Variants in FAM13A observed in about 807,000 individuals in gnomAD.
The protein encoded by FAM13A is family with sequence similarity 13 member A.
In FAM13A, 76 loss-of-function variants were observed where a neutral mutation model predicts 129.6. The ratio of observed to expected loss-of-function variants is 0.59; its 90% CI spans 0.49 to 0.71. The LOEUF (loss-of-function observed/expected upper bound fraction) is 0.71. Among genes scored for constraint, FAM13A ranks in the 30% least tolerant of loss-of-function variants. FAM13A has a pLI of 0.00. For missense variants in FAM13A, 1,108 were observed against 1,249.3 expected, an observed-to-expected ratio of 0.89 and a Z score of 1.70; for synonymous variants, 443 against 449.9, an observed-to-expected ratio of 0.98 and a Z score of 0.20.
chr4:88,731,568 G>A (rs565686724), intron 22 of FAM13A, 140 bp from the exon 23 acceptor site: 5 of 518,892 alleles, frequency 9.6e-6, no homozygotes, highest in Middle Eastern at 2.8e-4. Flanking sequence ...GAGGGGGCGC[G>A]GAAATGCATG....
intron 7 of FAM13A, among the ~76,000 whole-genome samples, chr4:88,849,579 A>G (rs929593416): frequency 1.3e-5 from 2 of 152,192 alleles, no homozygotes; most frequent in African/African-American, 2.4e-5. Flanking sequence ...GCATCAGTCT[A>G]TTAAACTGTT....
intron 5 of FAM13A, among the ~76,000 whole-genome samples, chr4:88,922,552 G>A (rs951690106): frequency 1.4e-4 from 22 of 151,944 alleles, no homozygotes; most frequent in Admixed American, 1.3e-4. Flanking sequence ...ATTCAAAGCA[G>A]TGTGTAGAGG....
At chr4:89,014,534 A>G (rs1766201868) in intron 3 of FAM13A, among the ~76,000 whole-genome samples, 1 of 152,226 alleles carries the variant, frequency 6.6e-6, no homozygotes. Context: ...TCCCGAATGG[A>G]GGGACCAGCT....
At chr4:88,976,023 A>G (rs970846140) in intron 4 of FAM13A, among the ~76,000 whole-genome samples, 3 of 152,224 alleles carry the variant, frequency 2.0e-5, no homozygotes, top group Admixed American at 6.5e-5. Flanking sequence ...GTTAAATAAA[A>G]TGTACTGCGC....
chr4:88,931,186 T>C (rs1752976699), intron 5 of FAM13A, among the ~76,000 whole-genome samples: 1 of 151,996 alleles, frequency 6.6e-6, no homozygotes, highest in South Asian at 2.1e-4. Flanking sequence ...CTCTCTCTCC[T>C]TGGAGCAATG....
chr4:88,785,912 G>A (rs1219497997), intron 10 of FAM13A, among the ~76,000 whole-genome samples: 4 of 152,144 alleles, frequency 2.6e-5, no homozygotes, highest in Admixed American at 6.5e-5. Context: ...ATTTGACCAG[G>A]AGGAGTGGTG....
chr4:88,953,490 A>C (rs1438020080), intron 4 of FAM13A, among the ~76,000 whole-genome samples: 2 of 152,110 alleles, frequency 1.3e-5, no homozygotes, highest in Non-Finnish European at 2.9e-5. Flanking sequence ...ACAACAACAA[A>C]AAACATAACA....
At chr4:88,983,036 C>T (rs1761831070) in intron 4 of FAM13A, among the ~76,000 whole-genome samples, 1 of 152,176 alleles carries the variant, frequency 6.6e-6, no homozygotes, top group African/African-American at 2.4e-5. Flanking sequence ...AAGGTCATCC[C>T]ATCTTCTCAG....
intron 4 of FAM13A, among the ~76,000 whole-genome samples, chr4:88,962,246 A>T (rs552030149): frequency 7.7e-4 from 118 of 152,346 alleles, no homozygotes; most frequent in African/African-American, 2.6e-3. Context: ...TTATCACATT[A>T]GTAGAGACAC....
chr4:89,055,324 ACAAT>A (rs1579956755), intron 1 of FAM13A, among the ~76,000 whole-genome samples: 1 of 152,198 alleles, frequency 6.6e-6, no homozygotes, highest in African/African-American at 2.4e-5. Flanking sequence ...CCAAGACAGC[ACAAT>A]CAAAGGCCAA....
intron 6 of FAM13A, among the ~76,000 whole-genome samples, chr4:88,853,249 T>G (rs991299097): frequency 3.3e-5 from 5 of 152,234 alleles, no homozygotes; most frequent in African/African-American, 4.8e-5. Flanking sequence ...ATATTCATCC[T>G]GTACAACATG....
chr4:88,986,115 T>C (rs577738723), intron 4 of FAM13A, among the ~76,000 whole-genome samples: 2 of 152,080 alleles, frequency 1.3e-5, no homozygotes, highest in Non-Finnish European at 2.9e-5. Context: ...AGTAAACCTC[T>C]TTCTCTTTAC....
chr4:89,022,129 A>G (rs1411059912), intron 2 of FAM13A, among the ~76,000 whole-genome samples: 1 of 152,152 alleles, frequency 6.6e-6, no homozygotes, highest in African/African-American at 2.4e-5. Flanking sequence ...AGGATTTTTT[A>G]GAGGGGAGGT....
intron 7 of FAM13A, among the ~76,000 whole-genome samples, chr4:88,831,217 C>A (rs1345564538): frequency 6.6e-6 from 1 of 152,166 alleles, no homozygotes; most frequent in Non-Finnish European, 1.5e-5. Flanking sequence ...TGACTTTCTC[C>A]AAATCTCCCG....
At chr4:88,818,246 C>G (rs867339620) in intron 7 of FAM13A, among the ~76,000 whole-genome samples, 2 of 152,128 alleles carry the variant, frequency 1.3e-5, no homozygotes, top group African/African-American at 4.8e-5. Flanking sequence ...AGTGATCCCC[C>G]CCGGACTTGG....
chr4:89,035,097 A>C (rs927545235), intron 1 of FAM13A, among the ~76,000 whole-genome samples: 18 of 152,218 alleles, frequency 1.2e-4, no homozygotes, highest in African/African-American at 4.3e-4. Context: ...GCTGGAGGCC[A>C]GTATCCTAAG....
intron 17 of FAM13A, among the ~76,000 whole-genome samples, 173 bp downstream of exon 17, chr4:88,748,779 G>A (rs1299261150): frequency 6.6e-6 from 1 of 152,204 alleles, no homozygotes; most frequent in African/African-American, 2.4e-5. Context: ...GTTGCCCTGT[G>A]ACTGAGACCA....
intron 4 of FAM13A, among the ~76,000 whole-genome samples, chr4:88,952,878 G>A (rs1205633865): frequency 6.6e-6 from 1 of 152,132 alleles, no homozygotes; most frequent in African/African-American, 2.4e-5. Flanking sequence ...AACCTGGGAG[G>A]CAGAGGTTGC....
intron 4 of FAM13A, among the ~76,000 whole-genome samples, chr4:88,975,569 T>C (rs1760789286): frequency 6.6e-6 from 1 of 152,238 alleles, no homozygotes; most frequent in Non-Finnish European, 1.5e-5. Flanking sequence ...TGAAGTCTTA[T>C]AGACAGCAAC....
Sources: gnomAD v4.1 joint callset for allele counts (sites outside exome capture counted in the v4.1 genomes callset) on GRCh38, gnomAD v4.1.1 for gene constraint, MANE v1.5 for transcripts, NCBI Gene and HGNC (gene_info 2026-07-23, HGNC 2026-07-21) for gene names.